VWC2L: variants seen among roughly 807,000 people sequenced by gnomAD.
VWC2L encodes the protein von Willebrand factor C domain-containing protein 2-like.
VWC2L carries 10 observed loss-of-function variants against 21.6 expected under a neutral mutation model. That is an observed-to-expected ratio of 0.46 (90% CI 0.29 to 0.78). The LOEUF is 0.78. Ranked by LOEUF, VWC2L falls within the 30% of genes least tolerant of loss-of-function variation. VWC2L has a pLI of 0.10. For missense variants in VWC2L, 209 were observed against 277.1 expected, an observed-to-expected ratio of 0.75 and a Z score of 1.74; for synonymous variants, 96 against 94.3, an observed-to-expected ratio of 1.02 and a Z score of -0.10.
At chr2:214,480,898 A>C (rs1688595755) in intron 3 of VWC2L, among the ~76,000 whole-genome samples, 2 of 138,680 alleles carry the variant, frequency 1.4e-5, no homozygotes, top group Admixed American at 7.2e-5. Flanking sequence ...AGGTAGATGT[A>C]TTTCTGATGA....
At chr2:214,503,994 T>C (rs987304080) in intron 3 of VWC2L, among the ~76,000 whole-genome samples, 1 of 152,112 alleles carries the variant, frequency 6.6e-6, no homozygotes, top group African/African-American at 2.4e-5. Context: ...AGACCACTTA[T>C]ATTTAGACAC....
In VWC2L at chr2:214,577,300, T is replaced by C. The variant is rs1460222358; in HGVS notation, c.*1480T>C. 6.6e-6 allele frequency: 1 copy of C among 152,212 alleles called. No homozygotes were observed. The highest frequency in any genetic ancestry group is 2.4e-5 in the African/African-American group (1 of 41,438). The allele number at this position is 152,212 out of a possible 1,614,324, so 9.4% of individuals were successfully genotyped here. On this transcript the variant is annotated 3_prime_UTR_variant, in exon 4 of 4. Coordinates refer to ENST00000312504, the MANE Select transcript of VWC2L (RefSeq NM_001080500.4). The stretch of plus-strand genomic sequence containing the variant: ...GAGAGCCATATTCTAGAGCAAGGTG[T>C]CTCAATCTTAGTAGGATTGACATTT...
intron 3 of VWC2L, among the ~76,000 whole-genome samples, chr2:214,538,591 T>C (rs1220198642): frequency 2.8e-5 from 3 of 108,622 alleles, no homozygotes; most frequent in African/African-American, 1.0e-4. Context: ...GTTTATAGTA[T>C]AATTTTTGTA....
At chr2:214,462,347 A>T (rs1473357803) in intron 3 of VWC2L, among the ~76,000 whole-genome samples, 1 of 152,330 alleles carries the variant, frequency 6.6e-6, no homozygotes, top group Non-Finnish European at 1.5e-5. Flanking sequence ...AAGTGTCTCC[A>T]GGCTTCTAGC....
intron 3 of VWC2L, among the ~76,000 whole-genome samples, chr2:214,521,917 G>A (rs1172867898): frequency 6.6e-6 from 1 of 152,174 alleles, no homozygotes; most frequent in Non-Finnish European, 1.5e-5. Flanking sequence ...ATTAATGAGA[G>A]GATTGTACTT....
intron 3 of VWC2L, among the ~76,000 whole-genome samples, chr2:214,489,637 G>A (rs1688719242): frequency 6.6e-6 from 1 of 152,228 alleles, no homozygotes; most frequent in Non-Finnish European, 1.5e-5. Flanking sequence ...GGGAGCTCTG[G>A]AGAGAAAGAG....
intron 3 of VWC2L, among the ~76,000 whole-genome samples, chr2:214,557,937 T>G (rs1289344631): frequency 6.6e-6 from 1 of 152,190 alleles, no homozygotes; most frequent in Non-Finnish European, 1.5e-5. Flanking sequence ...CTCTGCACTG[T>G]CTCTTACAGC....
At chr2:214,511,558 C>A (rs747512124) in intron 3 of VWC2L, among the ~76,000 whole-genome samples, 1 of 152,108 alleles carries the variant, frequency 6.6e-6, no homozygotes, top group Non-Finnish European at 1.5e-5. Flanking sequence ...GGATGCCTAT[C>A]TGCAAACTGA....
chr2:214,557,034 G>A (rs145296681), intron 3 of VWC2L, among the ~76,000 whole-genome samples: 31 of 152,268 alleles, frequency 2.0e-4, no homozygotes, highest in Admixed American at 1.2e-3. Context: ...GAAACAGTGC[G>A]GGGTTGGGGA....
chr2:214,569,749 C>T (rs1229914172), intron 3 of VWC2L, among the ~76,000 whole-genome samples: 1 of 152,150 alleles, frequency 6.6e-6, no homozygotes, highest in African/African-American at 2.4e-5. Flanking sequence ...CCAGCCTTTC[C>T]ATAGTCTAGG....
chr2:214,571,193 G>A (rs561826409), intron 3 of VWC2L, among the ~76,000 whole-genome samples: 14 of 152,136 alleles, frequency 9.2e-5, no homozygotes, highest in South Asian at 6.2e-4. Context: ...CTCAGGATCC[G>A]GGCAAAGGAA....
intron 3 of VWC2L, among the ~76,000 whole-genome samples, chr2:214,524,254 C>A (rs879604594): frequency 3.3e-5 from 5 of 152,130 alleles, no homozygotes; most frequent in Admixed American, 3.3e-4. Flanking sequence ...CTGTTTCTAT[C>A]TACCCAAATT....
chr2:214,437,499 C>T lies in VWC2L; in HGVS notation c.520+741C>T, dbSNP rs529627758. Among the ~76,000 whole-genome samples the T allele has an allele frequency of 1.1e-3, 160 of 152,184 alleles. 1 individual carries two copies. Among genetic ancestry groups the T allele is most frequent in the Admixed American group, 1.3e-3 (20 of 15,264 alleles). ...TCAACAAAGCCAATAGCGCACTTTG[C>T]CTTATGACCATGTACTACCAAAAAG... On this transcript the variant is annotated intron_variant, in intron 3 of 3. Coordinates refer to ENST00000312504, the MANE Select transcript of VWC2L (RefSeq NM_001080500.4).
intron 2 of VWC2L, among the ~76,000 whole-genome samples, chr2:214,433,922 C>A (rs1339664267): frequency 6.6e-6 from 1 of 152,144 alleles, no homozygotes; most frequent in Middle Eastern, 3.4e-3. Flanking sequence ...ATCAGAGGGG[C>A]ACAAGGAGGC....
At chr2:214,559,615 A>AT (rs148202293) in intron 3 of VWC2L, among the ~76,000 whole-genome samples, 8,249 of 142,296 alleles carry the variant, frequency 0.058, 477 homozygotes, top group African/African-American at 0.16. Flanking sequence ...TTCTTTTTTC[A>AT]TTTTTTTTTT....
At chr2:214,527,791 A>G (rs1689367510) in intron 3 of VWC2L, among the ~76,000 whole-genome samples, 1 of 152,184 alleles carries the variant, frequency 6.6e-6, no homozygotes, top group Non-Finnish European at 1.5e-5. Context: ...ACTTGACATT[A>G]AGTAATACAT....
intron 3 of VWC2L, among the ~76,000 whole-genome samples, chr2:214,517,495 T>C (rs551989041): frequency 1.3e-5 from 2 of 152,272 alleles, no homozygotes; most frequent in Admixed American, 1.3e-4. Context: ...TCTCTAGGCA[T>C]GAGATCCAGG....
At position 214,506,158 on chromosome 2, in the gene VWC2L, C is replaced by T. The variant is rs544514321; in HGVS notation, c.520+69400C>T. Among the ~76,000 whole-genome samples, 5 of 152,184 alleles carry T rather than the reference C, an allele frequency of 3.3e-5. No individual in the cohort carries two copies. The East Asian group carries it at 7.7e-4, about 24-fold the overall frequency. On this transcript the variant is annotated intron_variant, in intron 3 of 3. Transcript: ENST00000312504. Reference sequence around the variant, plus strand: ...AGTCTTTCAAAAGGCTGTTTCCTATCGACATATTTAAGCTTCATCCTTCCA... The same window carrying T: ...AGTCTTTCAAAAGGCTGTTTCCTATTGACATATTTAAGCTTCATCCTTCCA...
intron 1 of VWC2L, among the ~76,000 whole-genome samples, chr2:214,412,267 A>G (rs1325594645): frequency 1.3e-5 from 2 of 152,124 alleles, no homozygotes; most frequent in Non-Finnish European, 2.9e-5. Context: ...AAGCAGAATC[A>G]TATGTGTATT....
Sources: allele counts gnomAD v4.1 joint callset (sites outside exome capture counted in the v4.1 genomes callset), GRCh38; gene constraint gnomAD v4.1.1; transcripts MANE v1.5; gene names NCBI Gene and HGNC (gene_info 2026-07-23, HGNC 2026-07-21).